Variants in MAF observed in about 807,000 individuals in gnomAD.
The protein encoded by MAF is transcription factor Maf.
A neutral mutation model predicts 22.0 loss-of-function variants in MAF; 10 were observed. That is an observed-to-expected ratio of 0.45 (90% CI 0.28 to 0.77). MAF has a LOEUF of 0.77. MAF is among the 30% of genes least tolerant of loss of function. The probability of loss-of-function intolerance (pLI) is 0.12; values close to 1 mark genes in which losing one functional copy is unlikely to be tolerated. For synonymous variants in MAF, 337 were observed against 255.8 expected (o/e 1.32, Z -3.03); for missense variants, 544 against 548.4 (o/e 0.99, Z 0.08).
the MAF span, among the ~76,000 whole-genome samples, chr16:79,397,914 A>T: frequency 4.6e-5 from 7 of 152,174 alleles, no homozygotes; most frequent in African/African-American, 9.7e-5. Flanking sequence ...GGAGAGAAAG[A>T]TGTATCATTT....
chr16:79,595,943 A>G (rs928452504), intron 1 of MAF: 2 of 1,061,340 alleles, frequency 1.9e-6, no homozygotes, highest in African/African-American at 3.3e-5. Context: ...AAAACAAAAC[A>G]AACAACTATG....
At chr16:79,448,382 T>C in the MAF span, among the ~76,000 whole-genome samples, 3 of 152,098 alleles carry the variant, frequency 2.0e-5, no homozygotes, top group South Asian at 4.2e-4. Context: ...CTAGCATTTT[T>C]TTTTTTTTTT....
chr16:79,479,374 C>T, the MAF span, among the ~76,000 whole-genome samples: 2 of 152,164 alleles, frequency 1.3e-5, no homozygotes, highest in East Asian at 3.9e-4. Flanking sequence ...ATACCTTTTC[C>T]CGGATATGTG....
chr16:79,385,669 G>A, the MAF span, among the ~76,000 whole-genome samples: 1 of 152,114 alleles, frequency 6.6e-6, no homozygotes. Flanking sequence ...GGGAGGCTGC[G>A]GCAGGTGGAT....
the MAF span, among the ~76,000 whole-genome samples, chr16:79,305,259 C>G: frequency 6.6e-6 from 1 of 152,176 alleles, no homozygotes; most frequent in Non-Finnish European, 1.5e-5. Context: ...CCACCAGAAC[C>G]GGGCGGCCAA....
At chr16:79,487,357 A>G in the MAF span, among the ~76,000 whole-genome samples, 1 of 152,300 alleles carries the variant, frequency 6.6e-6, no homozygotes, top group South Asian at 2.1e-4. Flanking sequence ...GGGTGTTGAG[A>G]ATATTCTATA....
At chr16:79,312,629 C>T in the MAF span, among the ~76,000 whole-genome samples, 1 of 152,188 alleles carries the variant, frequency 6.6e-6, no homozygotes, top group Non-Finnish European at 1.5e-5. Flanking sequence ...TACCTAGGAC[C>T]GTCTCTGAAG....
chr16:79,497,726 T>C, the MAF span, among the ~76,000 whole-genome samples: 1 of 152,292 alleles, frequency 6.6e-6, no homozygotes, highest in South Asian at 2.1e-4. Flanking sequence ...AAATGCATAG[T>C]CATGAATTGC....
the MAF span, among the ~76,000 whole-genome samples, chr16:79,382,335 G>T: frequency 6.6e-6 from 1 of 152,178 alleles, no homozygotes; most frequent in Non-Finnish European, 1.5e-5. Flanking sequence ...ATTTAATGGA[G>T]AATGCATATG....
At chr16:79,205,303 C>A in the MAF span, 1 of 152,164 alleles carries the variant, frequency 6.6e-6, no homozygotes, top group Non-Finnish European at 1.5e-5. Flanking sequence ...AGACACTGTC[C>A]CTAGTGTCAC....
the MAF span, among the ~76,000 whole-genome samples, chr16:79,336,786 G>A: frequency 2.0e-5 from 3 of 152,126 alleles, no homozygotes; most frequent in Non-Finnish European, 4.4e-5. Context: ...ATTTGGTGAG[G>A]ATTTTTCTCT....
intron 1 of MAF, 87 bp downstream of exon 1, chr16:79,598,698 G>A (rs962582386): frequency 1.7e-5 from 27 of 1,585,644 alleles, no homozygotes; most frequent in Non-Finnish European, 2.2e-5. Context: ...GGCGAGCATG[G>A]CTCTAGAACT....
chr16:79,422,473 A>G, the MAF span, among the ~76,000 whole-genome samples: 1 of 152,136 alleles, frequency 6.6e-6, no homozygotes, highest in South Asian at 2.1e-4. Context: ...CACCTTGACC[A>G]TTTACTGCCT....
chr16:79,460,047 G>A, the MAF span, among the ~76,000 whole-genome samples: 225 of 152,198 alleles, frequency 1.5e-3, 1 homozygote, highest in Non-Finnish European at 2.2e-3. Context: ...CTTTTTGTCC[G>A]TTTTAATACG....
the MAF span, among the ~76,000 whole-genome samples, chr16:79,405,081 C>T: frequency 6.6e-6 from 1 of 152,160 alleles, no homozygotes; most frequent in Non-Finnish European, 1.5e-5. Flanking sequence ...GTGGGTGACA[C>T]TTTGGACTCA....
At chr16:79,214,703 CTTTTTTTTTTTT>C in the MAF span, among the ~76,000 whole-genome samples, 1 of 43,052 alleles carries the variant, frequency 2.3e-5, no homozygotes, top group Non-Finnish European at 4.1e-5. Context: ...CTGTGCCTGG[CTTTTTTTTTTTT>C]TTTTTTTTTT....
chr16:79,573,948 C>T, the MAF span, among the ~76,000 whole-genome samples: 3 of 152,150 alleles, frequency 2.0e-5, no homozygotes, highest in Non-Finnish European at 2.9e-5. Flanking sequence ...ATCTCCCGTT[C>T]GTTTGCCTGT....
chr16:79,560,318 G>C, the MAF span, among the ~76,000 whole-genome samples: 3 of 151,776 alleles, frequency 2.0e-5, no homozygotes, highest in Non-Finnish European at 4.4e-5. Flanking sequence ...AGATGAACGC[G>C]AAGAGACAGG....
At chr16:79,259,577 G>A in the MAF span, among the ~76,000 whole-genome samples, 5 of 152,198 alleles carry the variant, frequency 3.3e-5, no homozygotes, top group Non-Finnish European at 7.3e-5. Flanking sequence ...TAGGTGCTCC[G>A]TAAATCATTG....
Sources: gnomAD v4.1 joint callset for allele counts (sites outside exome capture counted in the v4.1 genomes callset) on GRCh38, gnomAD v4.1.1 for gene constraint, MANE v1.5 for transcripts, NCBI Gene and HGNC (gene_info 2026-07-23, HGNC 2026-07-21) for gene names.